ANKRD27: variants seen among roughly 807,000 people sequenced by gnomAD.
The protein encoded by ANKRD27 is ankyrin repeat domain 27.
ANKRD27 carries 112 observed loss-of-function variants against 129.7 expected under a neutral mutation model. That is an observed-to-expected ratio of 0.86 (90% CI 0.74 to 1.01). ANKRD27 has a LOEUF of 1.01. Ranked by LOEUF, ANKRD27 falls within the 50% of genes least tolerant of loss-of-function variation. ANKRD27 has a pLI of 0.00. For synonymous variants in ANKRD27, 516 were observed against 511.2 expected (o/e 1.01, Z -0.13); for missense variants, 1,258 against 1,300.5 (o/e 0.97, Z 0.50).
rs1967213199 is a variant in ANKRD27, at chr19:32,642,111, G to C, written c.817C>G (p.Gln273Glu). 2 of 1,608,854 alleles carry C rather than the reference G, an allele frequency of 1.2e-6. No individual in the cohort carries two copies. Among genetic ancestry groups the C allele is most frequent in the Admixed American group, 1.7e-5 (1 of 59,194 alleles). The change falls in exon 10 of 29, where the codon CAG becomes GAG. Residue 273 changes from glutamine to glutamate, a missense_variant. Coordinates refer to ENST00000306065, the MANE Select transcript of ANKRD27 (RefSeq NM_032139.3). Reference sequence around the variant, plus strand: ...TGTGGGGAGGTGCATTTGTTCAGCTGAGCCAGCTCTCTTTTGGCACGAGGT... The same window carrying C: ...TGTGGGGAGGTGCATTTGTTCAGCTCAGCCAGCTCTCTTTTGGCACGAGGT... ...NIPRAKRELA[Q>E]LNKCTSPQQK... is the part of the protein sequence containing the mutation.
At chr19:32,639,316 A>G (rs1967148990) in intron 12 of ANKRD27, 40 bp downstream of exon 12, 5 of 1,613,164 alleles carry the variant, frequency 3.1e-6, no homozygotes, top group East Asian at 2.2e-5. Flanking sequence ...GGGAACCATG[A>G]TGCCCACAAA....
intron 5 of ANKRD27, among the ~76,000 whole-genome samples, chr19:32,643,970 G>A (rs1967252870): frequency 6.6e-6 from 1 of 151,940 alleles, no homozygotes; most frequent in East Asian, 1.9e-4. Context: ...AAACTCCTGG[G>A]CTAAAGCCAT....
Position 32,598,161 on chromosome 19 carries a change from C to CTA in ANKRD27, c.3135_3136dup (p.Ser1046IlefsTer25), listed in dbSNP as rs1198441076. ...TCATTCCTGTTAGGACCGGGAAGCA[C>CTA]TAACCTCTTGGGGAGTGGAGAGGGG... is the stretch of plus-strand genomic sequence containing the variant. On this transcript the variant is annotated frameshift_variant, in exon 29 of 29. Transcript: ENST00000306065. LOFTEE classifies it high-confidence loss of function. The CTA allele has an allele frequency of 2.0e-5, 32 of 1,614,070 alleles. No homozygotes were observed. Among genetic ancestry groups the CTA allele is most frequent in the Non-Finnish European group, 2.5e-5 (29 of 1,180,028 alleles).
intron 1 of ANKRD27, among the ~76,000 whole-genome samples, chr19:32,674,247 T>C (rs1967933688): frequency 6.6e-6 from 1 of 152,164 alleles, no homozygotes; most frequent in Non-Finnish European, 1.5e-5. Flanking sequence ...TTAATCAAAA[T>C]AGGGGCCTCT....
intron 14 of ANKRD27, 144 bp downstream of exon 14, chr19:32,628,578 T>G: frequency 9.5e-7 from 1 of 1,050,642 alleles, no homozygotes; most frequent in Non-Finnish European, 1.4e-6. Context: ...GGGGCAGCTG[T>G]TATCATCTCC....
chr19:32,617,266 G>T (rs1322280463), intron 21 of ANKRD27, among the ~76,000 whole-genome samples: 1 of 152,144 alleles, frequency 6.6e-6, no homozygotes, highest in Admixed American at 6.6e-5. Context: ...TTCTAAAGCT[G>T]GGCAGGGTGG....
intron 4 of ANKRD27, 67 bp from the exon 5 acceptor site, chr19:32,644,546 A>C: frequency 6.3e-7 from 1 of 1,577,316 alleles, no homozygotes; most frequent in Non-Finnish European, 8.7e-7. Context: ...GTCCTATCCT[A>C]CAGGGCCTAG....
chr19:32,599,252 G>C (rs1971614434), intron 28 of ANKRD27, among the ~76,000 whole-genome samples: 1 of 152,216 alleles, frequency 6.6e-6, no homozygotes, highest in Non-Finnish European at 1.5e-5. Context: ...CTGCACTCCA[G>C]CCTGGGCCAC....
In ANKRD27 at chr19:32,643,349, A is replaced by G. The variant is rs368490549; in HGVS notation, c.643T>C (p.Tyr215His). The G allele has an allele frequency of 1.1e-5, 17 of 1,613,838 alleles. No homozygotes were observed. The highest frequency in any genetic ancestry group is 3.3e-5 in the South Asian group (3 of 91,076). The change falls in exon 8 of 29, where the codon TAC (tyrosine) becomes CAC (histidine). Residue 215 changes from tyrosine (Y) to histidine (H), a missense_variant. Physicochemically the swap from Tyr to His is moderately conservative, Grantham distance 83 (BLOSUM62 2). Transcript: ENST00000306065. ...MNLMKQAVEI[Y>H]VHHEIYNLIF... ...AGGTTGTAAATTTCATGATGGACGT[A>G]TATCTGTGGAATCAACAGACCCCAT...
chr19:32,604,593 A>G (rs992467556), intron 24 of ANKRD27, among the ~76,000 whole-genome samples, 169 bp from the exon 25 acceptor site: 1 of 152,222 alleles, frequency 6.6e-6, no homozygotes, highest in Non-Finnish European at 1.5e-5. Flanking sequence ...ATTTATAGAC[A>G]AAGAGTTCGC....
chr19:32,652,009 C>A (rs1967426453), intron 2 of ANKRD27, among the ~76,000 whole-genome samples: 1 of 152,230 alleles, frequency 6.6e-6, no homozygotes, highest in Non-Finnish European at 1.5e-5. Flanking sequence ...GGCTCCCTGG[C>A]TCCACCCACC....
intron 22 of ANKRD27, among the ~76,000 whole-genome samples, chr19:32,608,162 C>T (rs1270507669): frequency 7.2e-6 from 1 of 139,136 alleles, no homozygotes; most frequent in African/African-American, 2.7e-5. Context: ...AGCCATTGTG[C>T]CCAGCTAATT....
At chr19:32,662,656 C>T (rs1394621358) in intron 1 of ANKRD27, among the ~76,000 whole-genome samples, 2 of 152,120 alleles carry the variant, frequency 1.3e-5, no homozygotes, top group African/African-American at 4.8e-5. Flanking sequence ...ATGGGAGGAT[C>T]GCTTGAGCCC....
intron 18 of ANKRD27, among the ~76,000 whole-genome samples, chr19:32,620,656 G>A (rs913570344): frequency 6.6e-6 from 1 of 151,882 alleles, no homozygotes; most frequent in African/African-American, 2.4e-5. Context: ...AGGGGCCAAG[G>A]CGGGCAGATC....
At chr19:32,629,040 C>T (rs949801254) in intron 13 of ANKRD27, among the ~76,000 whole-genome samples, 191 bp from the exon 14 acceptor site, 1 of 152,152 alleles carries the variant, frequency 6.6e-6, no homozygotes, top group Non-Finnish European at 1.5e-5. Context: ...CCTGCCTCAG[C>T]CTCCCAAGTA....
At chr19:32,634,830 G>A (rs759864976) in intron 12 of ANKRD27, among the ~76,000 whole-genome samples, 7 of 152,130 alleles carry the variant, frequency 4.6e-5, no homozygotes, top group Non-Finnish European at 8.8e-5. Context: ...CAGGAGAATC[G>A]CTTGAACCCG....
At chr19:32,631,117 C>T (rs1324229470) in intron 13 of ANKRD27, among the ~76,000 whole-genome samples, 4 of 151,986 alleles carry the variant, frequency 2.6e-5, no homozygotes, top group Non-Finnish European at 4.4e-5. Context: ...CTTCTGGGTT[C>T]GAACGATTCT....
At chr19:32,627,299 G>A (rs1244306735) in intron 15 of ANKRD27, among the ~76,000 whole-genome samples, 2 of 152,044 alleles carry the variant, frequency 1.3e-5, no homozygotes, top group African/African-American at 4.8e-5. Flanking sequence ...ACGATCTCTG[G>A]GAGACAGGGA....
At chr19:32,673,603 C>A in intron 1 of ANKRD27, 1 of 328,862 alleles carries the variant, frequency 3.0e-6, no homozygotes, top group Non-Finnish European at 4.3e-6. Context: ...TCCCTCTTTC[C>A]ACCCATTTTG....
Sources: gnomAD v4.1 joint callset for allele counts (sites outside exome capture counted in the v4.1 genomes callset) on GRCh38, gnomAD v4.1.1 for gene constraint, MANE v1.5 for transcripts, NCBI Gene and HGNC (gene_info 2026-07-23, HGNC 2026-07-21) for gene names.